DPY19L3: variants seen among roughly 807,000 people sequenced by gnomAD.
DPY19L3 encodes dpy-19 like C-mannosyltransferase 3, also known as protein C-mannosyl-transferase DPY19L3.
DPY19L3 carries 51 observed loss-of-function variants against 92.3 expected under a neutral mutation model. The ratio of observed to expected loss-of-function variants is 0.55; its 90% confidence interval spans 0.44 to 0.70. DPY19L3 has a LOEUF of 0.70. Ranked by LOEUF, DPY19L3 falls within the 30% of genes least tolerant of loss-of-function variation. The pLI is 0.00. For missense variants in DPY19L3, 706 were observed against 855.9 expected (o/e 0.82, Z 2.18); for synonymous variants, 309 against 315.2 (o/e 0.98, Z 0.21).
chr19:32,408,099 A>C, intron 1 of DPY19L3, 118 bp from the exon 2 acceptor site: 1 of 606,098 alleles, frequency 1.6e-6, no homozygotes, highest in Middle Eastern at 4.5e-4. Context: ...AAGAAAAAAA[A>C]AGGGAGGGCA....
In DPY19L3 at chr19:32,483,365, G is replaced by A; in HGVS notation, c.*1125G>A. 6.6e-6 allele frequency: 1 copy of A among 152,604 alleles called. No homozygotes were observed. Among genetic ancestry groups the A allele is most frequent in the Non-Finnish European group, 1.5e-5 (1 of 68,026 alleles). 9.5% of individuals were successfully genotyped at this position (152,604 alleles called of 1,614,324 possible). A position where few individuals can be genotyped will look rare whatever the true frequency, so the allele number is the denominator to read the frequency against. ...TTGTAAACAACAAAGAAGAGTATAT[G>A]TACCTGCTCAAAATTTTTTTGATAA... On this transcript the variant is annotated 3_prime_UTR_variant, in exon 19 of 19. Transcript: ENST00000392250.
intron 4 of DPY19L3, 101 bp from the exon 5 acceptor site, chr19:32,436,345 C>A: frequency 3.4e-6 from 3 of 874,994 alleles, no homozygotes; most frequent in South Asian, 7.5e-5. Flanking sequence ...CCAATGCCTA[C>A]CACAGTCTCT....
intron 3 of DPY19L3, among the ~76,000 whole-genome samples, chr19:32,416,018 G>A (rs914685697): frequency 1.3e-5 from 2 of 152,192 alleles, no homozygotes; most frequent in Admixed American, 6.5e-5. Context: ...GAAACAGCAA[G>A]CCAAAAGTCT....
chr19:32,430,841 T>G (rs1968940268), intron 3 of DPY19L3, among the ~76,000 whole-genome samples: 1 of 149,910 alleles, frequency 6.7e-6, no homozygotes, highest in Non-Finnish European at 1.5e-5. Context: ...TTGCCCAGGC[T>G]GGTCTTGAAC....
At chr19:32,418,945 T>C (rs1324527939) in intron 3 of DPY19L3, among the ~76,000 whole-genome samples, 3 of 152,172 alleles carry the variant, frequency 2.0e-5, no homozygotes, top group Non-Finnish European at 4.4e-5. Flanking sequence ...AAGGAAAAGA[T>C]ACTGGTTTCA....
At chr19:32,462,885 A>C (rs916102482) in intron 12 of DPY19L3, among the ~76,000 whole-genome samples, 1 of 152,182 alleles carries the variant, frequency 6.6e-6, no homozygotes, top group Non-Finnish European at 1.5e-5. Flanking sequence ...TATTTGGTAA[A>C]AGTCATCTTT....
chr19:32,416,485 C>T (rs968724215), intron 3 of DPY19L3, among the ~76,000 whole-genome samples: 2 of 152,234 alleles, frequency 1.3e-5, no homozygotes, highest in African/African-American at 4.8e-5. Context: ...CCCAGGCAAC[C>T]CTCACTTCTG....
intron 2 of DPY19L3, 51 bp downstream of exon 2, chr19:32,408,407 A>G (rs1329492087): frequency 1.5e-6 from 2 of 1,369,082 alleles, no homozygotes; most frequent in Middle Eastern, 1.8e-4. Context: ...ATTTCTGCAT[A>G]TTAAAATGTC....
At position 32,482,319 on chromosome 19, in the gene DPY19L3, G is replaced by GT. The variant is rs1970699178; in HGVS notation, c.*80dup. 1 of 1,509,624 alleles carries GT rather than the reference G, an allele frequency of 6.6e-7. No individual in the cohort carries two copies. The highest frequency in any genetic ancestry group is 9.0e-7 in the Non-Finnish European group (1 of 1,116,340). The allele number at this position is 1,509,624 out of a possible 1,614,324, so 93.5% of individuals were successfully genotyped here. A position where few individuals can be genotyped will look rare whatever the true frequency, so the allele number is the denominator to read the frequency against. Reference sequence around the variant, plus strand: ...AAACTCAATAGATGACGTTTCCTATGTAAGTAGGTAGCCCAAACCTTCAAG... The same window carrying GT: ...AAACTCAATAGATGACGTTTCCTATGTTAAGTAGGTAGCCCAAACCTTCAAG... On this transcript the variant is annotated 3_prime_UTR_variant, in exon 19 of 19. Coordinates refer to ENST00000392250, the MANE Select transcript of DPY19L3 (RefSeq NM_001172774.2).
In DPY19L3 at chr19:32,458,052, C is replaced by T. The variant is rs759886895; in HGVS notation, c.1090-48C>T. ...ATTCAATGGGAAGTTATCAGGAAAC[C>T]GTGCCTAAAGGACTAATAGCAATTT... On this transcript the variant is annotated intron_variant, in intron 10 of 18. Transcript: ENST00000392250. 15 of 1,418,660 alleles carry T rather than the reference C, an allele frequency of 1.1e-5. 1 individual carries two copies. The highest frequency in any genetic ancestry group is 3.6e-5 in the South Asian group (3 of 82,652). The allele number at this position is 1,418,660 out of a possible 1,614,324, so 87.9% of individuals were successfully genotyped here. A position where few individuals can be genotyped will look rare whatever the true frequency, so the allele number is the denominator to read the frequency against.
At chr19:32,408,752 A>T (rs1032350243) in intron 2 of DPY19L3, among the ~76,000 whole-genome samples, 2 of 151,636 alleles carry the variant, frequency 1.3e-5, no homozygotes, top group Non-Finnish European at 2.9e-5. Context: ...AACATTTTTT[A>T]AAAATTCTTT....
At chr19:32,477,490 G>A in intron 16 of DPY19L3, 32 bp from the exon 17 acceptor site, 2 of 1,613,588 alleles carry the variant, frequency 1.2e-6, no homozygotes, top group Non-Finnish European at 1.7e-6. Context: ...TCTCTTAACA[G>A]TGGGGTTAAT....
chr19:32,459,120 A>G (rs981541741), intron 12 of DPY19L3, among the ~76,000 whole-genome samples: 2 of 152,168 alleles, frequency 1.3e-5, no homozygotes, highest in African/African-American at 4.8e-5. Flanking sequence ...TATCTACTAA[A>G]AGTTTTGAGT....
At chr19:32,412,270 T>G (rs1278226007) in intron 3 of DPY19L3, 2 of 152,136 alleles carry the variant, frequency 1.3e-5, no homozygotes, top group Non-Finnish European at 2.9e-5. Context: ...ATTGTGAAAT[T>G]AGTGCAGTAG....
intron 9 of DPY19L3, among the ~76,000 whole-genome samples, chr19:32,454,009 C>T (rs1969787845): frequency 1.3e-5 from 2 of 151,938 alleles, no homozygotes; most frequent in Non-Finnish European, 2.9e-5. Flanking sequence ...AATCATTTTT[C>T]TTATTAGTCT....
chr19:32,478,810 C>G (rs1970588231), intron 17 of DPY19L3, among the ~76,000 whole-genome samples: 1 of 152,190 alleles, frequency 6.6e-6, no homozygotes, highest in Admixed American at 6.5e-5. Flanking sequence ...GTTTCCCTGT[C>G]TTTTGTGATT....
chr19:32,442,501 G>A (rs990220079), intron 8 of DPY19L3, among the ~76,000 whole-genome samples: 4 of 152,148 alleles, frequency 2.6e-5, no homozygotes, highest in Admixed American at 2.0e-4. Flanking sequence ...ACCTTAGACA[G>A]TATATGTATA....
In DPY19L3 at chr19:32,408,207, T is replaced by G; in HGVS notation, c.-37-10T>G. 4 of 1,398,040 alleles carry G rather than the reference T, an allele frequency of 2.9e-6. No homozygotes were observed. The highest frequency in any genetic ancestry group is 4.0e-6 in the Non-Finnish European group (4 of 992,762). 86.6% of individuals were successfully genotyped at this position (1,398,040 alleles called of 1,614,324 possible). On this transcript the variant is annotated splice_polypyrimidine_tract_variant and intron_variant, in intron 1 of 18. Transcript: ENST00000392250. ...GCACTGACGTTGATGGCCTGTTTAT[T>G]GCTATCTAGGAGTGATTTGGAGAAC...
At chr19:32,467,352 GCATTT>G in intron 15 of DPY19L3, 2 of 751,288 alleles carry the variant, frequency 2.7e-6, no homozygotes, top group Non-Finnish European at 1.6e-6. Flanking sequence ...AAGAATTAGA[GCATTT>G]CATTAAAAAG....
Sources: allele counts gnomAD v4.1 joint callset (sites outside exome capture counted in the v4.1 genomes callset), GRCh38; gene constraint gnomAD v4.1.1; transcripts MANE v1.5; gene names NCBI Gene and HGNC (gene_info 2026-07-23, HGNC 2026-07-21).